The following ACSBG1 variants were observed in gnomAD, a reference collection of about 807,000 sequenced individuals.
ACSBG1 encodes acyl-CoA synthetase bubblegum family member 1.
A neutral mutation model predicts 80.2 loss-of-function variants in ACSBG1; 39 were observed. The observed-to-expected ratio is 0.49, with a 90% confidence interval of 0.38 to 0.64. The LOEUF (loss-of-function observed/expected upper bound fraction) is 0.64. ACSBG1 is among the 30% of genes least tolerant of loss of function. The pLI is 0.00. For synonymous variants in ACSBG1, 392 were observed against 379.5 expected, an observed-to-expected ratio of 1.03 and a Z score of -0.38; for missense variants, 828 against 966.4, an observed-to-expected ratio of 0.86 and a Z score of 1.90.
At chr15:78,230,628 T>G (rs1436970370) in intron 1 of ACSBG1, among the ~76,000 whole-genome samples, 1 of 152,204 alleles carries the variant, frequency 6.6e-6, no homozygotes, top group Non-Finnish European at 1.5e-5. Flanking sequence ...GGGAGGTAAT[T>G]GCATCATGGG....
intron 1 of ACSBG1, among the ~76,000 whole-genome samples, chr15:78,224,582 G>T (rs558323458): frequency 3.9e-5 from 6 of 152,090 alleles, no homozygotes; most frequent in Non-Finnish European, 8.8e-5. Context: ...TTAGCCAGGC[G>T]TGGTGGCAGA....
chr15:78,181,153 C>T, intron 8 of ACSBG1: 4 of 586,432 alleles, frequency 6.8e-6, no homozygotes, highest in Admixed American at 6.1e-5. Flanking sequence ...GCAGCCAGTG[C>T]TGACCTCAGT....
chr15:78,178,474 G>T lies in ACSBG1; in HGVS notation c.1702+140C>A. The T allele has an allele frequency of 1.1e-6, 1 of 918,654 alleles. No homozygotes were observed. The highest frequency in any genetic ancestry group is 1.6e-6 in the Non-Finnish European group (1 of 635,722). The allele number at this position is 918,654 out of a possible 1,614,324, so 56.9% of individuals were successfully genotyped here. On this transcript the variant is annotated intron_variant, in intron 11 of 13. Coordinates refer to ENST00000258873, the MANE Select transcript of ACSBG1 (RefSeq NM_015162.5). This position sits in a 1 kb window ranked among gnomAD's most constrained non-coding sequence, Gnocchi z 4.3. ...CCACCACGCCCAGCTAATTTTTCGTGTGTTTTTAGTAGAGATGGGGTTTCG... is the reference window on the plus strand; with the variant it reads ...CCACCACGCCCAGCTAATTTTTCGTTTGTTTTTAGTAGAGATGGGGTTTCG...
intron 5 of ACSBG1, among the ~76,000 whole-genome samples, chr15:78,186,721 G>C (rs1289943203): frequency 6.6e-6 from 1 of 151,982 alleles, no homozygotes; most frequent in Non-Finnish European, 1.5e-5. Context: ...AGAGAAAGCA[G>C]GAAAGATCCA....
At chr15:78,180,718 T>C (rs1845904800) in intron 9 of ACSBG1, 37 bp downstream of exon 9, 2 of 1,599,308 alleles carry the variant, frequency 1.3e-6, no homozygotes, top group African/African-American at 2.7e-5. Flanking sequence ...CCCAGCCCAC[T>C]CTCTCCCCAG....
rs140373623 is a variant in ACSBG1 at position 78,226,793 on chromosome 15, T to TATATATATA, written c.131+7569_131+7577dup. Reference sequence around the variant, plus strand: ...AGTAGAACACATAGAAAAATATATATATATATATAATATATATATATGACC... The same window carrying TATATATATA: ...AGTAGAACACATAGAAAAATATATATATATATATAATATATATAATATATATATATGACC... On this transcript the variant is annotated intron_variant, in intron 1 of 13. Transcript: ENST00000258873. Among the ~76,000 whole-genome samples, 162 of 128,926 alleles carry TATATATATA rather than the reference T, an allele frequency of 1.3e-3. 7 individuals carry two copies. Among genetic ancestry groups the TATATATATA allele is most frequent in the African/African-American group, 4.1e-3 (138 of 33,784 alleles). 84.6% of individuals were successfully genotyped at this position (128,926 alleles called of 152,430 possible).
chr15:78,195,368 G>T (rs2075104078), intron 2 of ACSBG1, among the ~76,000 whole-genome samples: 1 of 152,190 alleles, frequency 6.6e-6, no homozygotes, highest in Non-Finnish European at 1.5e-5. Flanking sequence ...ATTTATCGAA[G>T]ATCACACATC....
At chr15:78,193,848 C>T (rs1461431707) in intron 4 of ACSBG1, 84 bp downstream of exon 4, 1 of 1,517,554 alleles carries the variant, frequency 6.6e-7, no homozygotes. Flanking sequence ...TGGGTGGGGG[C>T]TGCTAAAAAG....
At chr15:78,171,576 C>T (rs1312093022) in intron 13 of ACSBG1, 47 bp from the exon 14 acceptor site, 2 of 1,501,288 alleles carry the variant, frequency 1.3e-6, no homozygotes, top group Non-Finnish European at 1.9e-6. Context: ...GCTCTGAGAA[C>T]TCTGAGAATG....
chr15:78,180,726 C>G, intron 9 of ACSBG1, 29 bp downstream of exon 9: 1 of 1,605,590 alleles, frequency 6.2e-7, no homozygotes, highest in Non-Finnish European at 8.5e-7. Flanking sequence ...ACTCTCTCCC[C>G]AGGCCTCCCG....
chr15:78,208,291 G>T (rs965086442), intron 1 of ACSBG1, among the ~76,000 whole-genome samples, 189 bp from the exon 2 acceptor site: 2 of 152,106 alleles, frequency 1.3e-5, no homozygotes, highest in African/African-American at 4.8e-5. Flanking sequence ...CTCAGTGGTT[G>T]TAGGGGCTGA....
At chr15:78,200,355 A>G (rs2141357191) in intron 2 of ACSBG1, among the ~76,000 whole-genome samples, 1 of 151,962 alleles carries the variant, frequency 6.6e-6, no homozygotes, top group African/African-American at 2.4e-5. Flanking sequence ...CAGCTGCATG[A>G]CCCAGCCCTT....
At chr15:78,209,332 G>C in intron 1 of ACSBG1, 1 of 445,412 alleles carries the variant, frequency 2.2e-6, no homozygotes, top group Non-Finnish European at 4.6e-6. Context: ...GGGGAACCAA[G>C]GTGGCGCCGT....
chr15:78,201,107 C>T (rs925887701), intron 2 of ACSBG1, among the ~76,000 whole-genome samples: 4 of 152,208 alleles, frequency 2.6e-5, no homozygotes, highest in African/African-American at 9.6e-5. Flanking sequence ...GACTCCCATC[C>T]TGAGCCTAAT....
At chr15:78,192,179 C>T (rs992572848) in intron 5 of ACSBG1, among the ~76,000 whole-genome samples, 37 of 152,114 alleles carry the variant, frequency 2.4e-4, no homozygotes, top group African/African-American at 8.7e-4. Flanking sequence ...CCCCAGAAGC[C>T]ACCCTTTTCC....
chr15:78,182,284 GC>G, intron 7 of ACSBG1, 139 bp from the exon 8 acceptor site: 1 of 1,321,200 alleles, frequency 7.6e-7, no homozygotes, highest in Non-Finnish European at 1.0e-6. Flanking sequence ...CCCAGGACAG[GC>G]CTCCCCTCCC....
At chr15:78,194,096 C>A (rs2075087714) in intron 3 of ACSBG1, 76 bp from the exon 4 acceptor site, 2 of 1,444,336 alleles carry the variant, frequency 1.4e-6, no homozygotes, top group East Asian at 2.3e-5. Flanking sequence ...GAGCCCCCAC[C>A]CAGACTGCAG....
intron 9 of ACSBG1, among the ~76,000 whole-genome samples, chr15:78,180,381 G>A (rs2074930198): frequency 6.6e-6 from 1 of 152,170 alleles, no homozygotes; most frequent in Non-Finnish European, 1.5e-5. Context: ...AATATCTGAG[G>A]GGTCACTTGG....
chr15:78,189,098 A>G (rs949016526), intron 5 of ACSBG1, among the ~76,000 whole-genome samples: 4 of 152,060 alleles, frequency 2.6e-5, no homozygotes, highest in Non-Finnish European at 5.9e-5. Flanking sequence ...CATCAGAGAA[A>G]TGCAAATCAA....
Sources: gnomAD v4.1 joint callset for allele counts (sites outside exome capture counted in the v4.1 genomes callset) on GRCh38, gnomAD v4.1.1 for gene constraint, Gnocchi (gnomAD v3.1) non-coding constraint, MANE v1.5 for transcripts, NCBI Gene and HGNC (gene_info 2026-07-23, HGNC 2026-07-21) for gene names.